The following KCNJ6 variants were observed in gnomAD, a reference collection of about 807,000 sequenced individuals.
KCNJ6 encodes G protein-activated inward rectifier potassium channel 2.
Under a neutral mutation model 34.2 loss-of-function variants are expected in KCNJ6, and 9 were observed. The observed-to-expected ratio is 0.26, with a 90% CI of 0.16 to 0.46. The LOEUF is 0.46. KCNJ6 is among the 20% of genes least tolerant of loss of function. KCNJ6 has a pLI of 1.00. For synonymous variants in KCNJ6, 196 were observed against 207.1 expected, an observed-to-expected ratio of 0.95 and a Z score of 0.46; for missense variants, 236 against 531.3, an observed-to-expected ratio of 0.44 and a Z score of 5.46.
chr21:37,686,697 C>A (rs2054617269), intron 3 of KCNJ6, among the ~76,000 whole-genome samples: 1 of 152,002 alleles, frequency 6.6e-6, no homozygotes, highest in Non-Finnish European at 1.5e-5. Flanking sequence ...GAACTCCTGA[C>A]CTCAGGTGAT....
intron 2 of KCNJ6, among the ~76,000 whole-genome samples, chr21:37,744,056 G>C (rs543101873): frequency 6.7e-6 from 1 of 149,004 alleles, no homozygotes; most frequent in Non-Finnish European, 1.5e-5. Context: ...ATAGTATATC[G>C]CAAGGACAAA....
At chr21:37,850,652 T>C (rs1377771196) in intron 1 of KCNJ6, among the ~76,000 whole-genome samples, 1 of 151,532 alleles carries the variant, frequency 6.6e-6, no homozygotes, top group Non-Finnish European at 1.5e-5. Context: ...ATTTAGAAAA[T>C]AATCACCCGG....
intron 1 of KCNJ6, among the ~76,000 whole-genome samples, chr21:37,848,453 C>T (rs2055521128): frequency 6.6e-6 from 1 of 152,134 alleles, no homozygotes; most frequent in African/African-American, 2.4e-5. Flanking sequence ...ATGTAGGATG[C>T]TTTAGGTGAG....
At chr21:37,838,271 T>G (rs1381839520) in intron 2 of KCNJ6, among the ~76,000 whole-genome samples, 1 of 152,186 alleles carries the variant, frequency 6.6e-6, no homozygotes, top group Non-Finnish European at 1.5e-5. Context: ...GGTGAAGAGC[T>G]CTTATTTAAA....
intron 2 of KCNJ6, among the ~76,000 whole-genome samples, chr21:37,766,551 C>A (rs1405061654): frequency 6.6e-6 from 1 of 152,182 alleles, no homozygotes; most frequent in Non-Finnish European, 1.5e-5. Flanking sequence ...AAATGGAAAT[C>A]CCCCGAGGGT....
Position 37,714,497 on chromosome 21 carries a change from C to T in KCNJ6, c.660G>A (p.Leu220=). 1 of 1,614,198 alleles carries T rather than the reference C, an allele frequency of 6.2e-7. No individual in the cohort carries two copies. Among genetic ancestry groups the T allele is most frequent in the Non-Finnish European group, 8.5e-7 (1 of 1,180,036 alleles). The change falls in exon 3 of 4, where the codon CTG becomes CTA. Residue 220 remains leucine (L), a synonymous_variant. Coordinates refer to ENST00000609713, the MANE Select transcript of KCNJ6 (RefSeq NM_002240.5). The surrounding 1 kb of genome is among the most constrained non-coding windows in gnomAD (Gnocchi z 5.9). ...VISMRDGKLC[L]MFRVGDLRNS... ...TCCTAAGGTCCCCTACCCGGAACAT[C>T]AGGCACAGTTTCCCATCCCGCATGG...
chr21:37,882,386 C>T (rs1475297342), intron 1 of KCNJ6, among the ~76,000 whole-genome samples: 1 of 152,128 alleles, frequency 6.6e-6, no homozygotes, highest in Non-Finnish European at 1.5e-5. Context: ...TAAACCTTAT[C>T]CACAGAGGGC....
At chr21:37,874,307 G>A (rs750746166) in intron 1 of KCNJ6, among the ~76,000 whole-genome samples, 4 of 152,100 alleles carry the variant, frequency 2.6e-5, no homozygotes, top group Non-Finnish European at 5.9e-5. Context: ...TTCTTTGCTG[G>A]TTTCTCACTA....
At chr21:37,686,381 G>T (rs892441165) in intron 3 of KCNJ6, among the ~76,000 whole-genome samples, 4 of 151,088 alleles carry the variant, frequency 2.6e-5, no homozygotes, top group African/African-American at 9.7e-5. Flanking sequence ...AGGAGAGAAT[G>T]CCTATGATTG....
chr21:37,757,587 C>A (rs111237754), intron 2 of KCNJ6, among the ~76,000 whole-genome samples: 3 of 147,158 alleles, frequency 2.0e-5, no homozygotes, highest in African/African-American at 7.5e-5. Context: ...AGCACTCCCT[C>A]ACAGATTCCA....
chr21:37,654,528 G>T (rs1335524860), intron 3 of KCNJ6, among the ~76,000 whole-genome samples: 4 of 152,146 alleles, frequency 2.6e-5, no homozygotes, highest in African/African-American at 4.8e-5. Flanking sequence ...CACCAGTCAG[G>T]GGTAGGGGCC....
At chr21:37,800,348 A>C (rs1371288798) in intron 2 of KCNJ6, among the ~76,000 whole-genome samples, 1 of 152,178 alleles carries the variant, frequency 6.6e-6, no homozygotes, top group Admixed American at 6.5e-5. Flanking sequence ...ATAGGGACCC[A>C]AACTTTATGC....
In KCNJ6 at chr21:37,862,648, G is replaced by C. The variant is rs558152724; in HGVS notation, c.-27-21939C>G. 7.9e-5 allele frequency among the ~76,000 whole-genome samples: 12 copies of C among 152,346 alleles called. No individual in the cohort carries two copies. In the South Asian group the frequency reaches 2.5e-3, roughly 32 times the overall value. On this transcript the variant is annotated intron_variant, in intron 1 of 3. Coordinates refer to ENST00000609713, the MANE Select transcript of KCNJ6 (RefSeq NM_002240.5). ...GCAGAGACTGTGTTTACCCTGTGTA[G>C]ATAGTCAGAGAAATATGAAGAAACT...
intron 1 of KCNJ6, among the ~76,000 whole-genome samples, chr21:37,900,380 T>C (rs972277824): frequency 1.3e-5 from 2 of 152,226 alleles, no homozygotes; most frequent in African/African-American, 2.4e-5. Context: ...CTATGTTTCG[T>C]TGACCATATC....
At chr21:37,757,693 A>C (rs956696949) in intron 2 of KCNJ6, among the ~76,000 whole-genome samples, 1 of 119,038 alleles carries the variant, frequency 8.4e-6, no homozygotes, top group African/African-American at 3.2e-5. Context: ...CCCTCACAGC[A>C]TGATGGTTCC....
intron 2 of KCNJ6, among the ~76,000 whole-genome samples, chr21:37,782,775 T>C (rs1250300919): frequency 2.0e-5 from 3 of 152,086 alleles, no homozygotes; most frequent in Admixed American, 2.0e-4. Context: ...CACCTAAGTG[T>C]GGAGCTGGAT....
intron 2 of KCNJ6, among the ~76,000 whole-genome samples, chr21:37,791,297 C>A (rs1461889788): frequency 1.3e-5 from 2 of 152,232 alleles, no homozygotes; most frequent in Non-Finnish European, 2.9e-5. Context: ...TAGTGTTACT[C>A]TTGAAGGTCT....
Position 37,789,758 on chromosome 21 carries a change from G to A in KCNJ6, c.25+50900C>T, listed in dbSNP as rs118085634. On this transcript the variant is annotated intron_variant, in intron 2 of 3. Transcript: ENST00000609713. ...CATACTCCTCCCTGTGGTTTAGTGC[G>A]CTGTCGACCAGTGTCTCTATTACTT... Among the ~76,000 whole-genome samples the A allele has an allele frequency of 9.2e-5, 14 of 152,282 alleles. No homozygotes were observed. In the East Asian group the frequency reaches 2.5e-3, roughly 27 times the overall value.
intron 3 of KCNJ6, among the ~76,000 whole-genome samples, chr21:37,655,216 TGTGTGTGTGAGAGAGAGAGAGAGA>T (rs1569438877): frequency 0.012 from 236 of 20,374 alleles, 7 homozygotes; most frequent in Non-Finnish European, 0.014. Flanking sequence ...TGTGTGTGTG[TGTGTGTGTGAGAGAGAGAGAGAGA>T]GAGAGAGAGA....
Sources: gnomAD v4.1 joint callset for allele counts (sites outside exome capture counted in the v4.1 genomes callset) on GRCh38, gnomAD v4.1.1 for gene constraint, Gnocchi (gnomAD v3.1) non-coding constraint, MANE v1.5 for transcripts, NCBI Gene and HGNC (gene_info 2026-07-23, HGNC 2026-07-21) for gene names.